The following PARVA variants were observed in gnomAD, a reference collection of about 807,000 sequenced individuals.
The protein encoded by PARVA is alpha-parvin.
A neutral mutation model predicts 52.6 loss-of-function variants in PARVA; 25 were observed. The ratio of observed to expected loss-of-function variants is 0.48; its 90% CI spans 0.35 to 0.66. The LOEUF is 0.66. PARVA is among the 30% of genes least tolerant of loss of function. The pLI, the probability that PARVA is intolerant of heterozygous loss-of-function variation, is 0.01. For synonymous variants in PARVA, 185 were observed against 179.1 expected (o/e 1.03, Z -0.26); for missense variants, 373 against 450.9 (o/e 0.83, Z 1.56).
chr11:12,494,417 A>G (rs1941271607), intron 4 of PARVA, among the ~76,000 whole-genome samples: 1 of 152,150 alleles, frequency 6.6e-6, no homozygotes, highest in Admixed American at 6.5e-5. Context: ...GCTTTCTAAA[A>G]GTTGCCTCAT....
intron 4 of PARVA, among the ~76,000 whole-genome samples, chr11:12,495,550 A>G (rs899254549): frequency 6.6e-6 from 1 of 152,130 alleles, no homozygotes; most frequent in Non-Finnish European, 1.5e-5. Context: ...AAGGAGTCCA[A>G]AGTTGTTTTT....
At chr11:12,473,342 T>C (rs1304721444) in intron 1 of PARVA, among the ~76,000 whole-genome samples, 1 of 152,160 alleles carries the variant, frequency 6.6e-6, no homozygotes, top group Non-Finnish European at 1.5e-5. Context: ...CTCAAACCCA[T>C]GACCCCATTC....
intron 1 of PARVA, among the ~76,000 whole-genome samples, chr11:12,450,593 G>A (rs1044351065): frequency 1.3e-5 from 2 of 152,190 alleles, no homozygotes; most frequent in Admixed American, 1.3e-4. Context: ...AGTTTATTAA[G>A]GAGAATTGAC....
chr11:12,403,650 C>G (rs1033045626), intron 1 of PARVA, among the ~76,000 whole-genome samples: 1 of 152,224 alleles, frequency 6.6e-6, no homozygotes, highest in Non-Finnish European at 1.5e-5. Flanking sequence ...ATTTTCTGCA[C>G]TAGGCAATGT....
At chr11:12,457,635 A>T (rs1940716329) in intron 1 of PARVA, among the ~76,000 whole-genome samples, 1 of 152,150 alleles carries the variant, frequency 6.6e-6, no homozygotes, top group Non-Finnish European at 1.5e-5. Flanking sequence ...TTTGGGCTGG[A>T]AGGGGAAGAC....
At chr11:12,419,882 G>A (rs994142624) in intron 1 of PARVA, among the ~76,000 whole-genome samples, 8 of 152,170 alleles carry the variant, frequency 5.3e-5, no homozygotes, top group African/African-American at 1.9e-4. Flanking sequence ...GTTGCTGAAG[G>A]TGTGGTGGCA....
At chr11:12,418,006 G>T (rs771257789) in intron 1 of PARVA, among the ~76,000 whole-genome samples, 1 of 152,192 alleles carries the variant, frequency 6.6e-6, no homozygotes, top group Non-Finnish European at 1.5e-5. Context: ...GGCTTGGAGT[G>T]GGGTGGGGAA....
At chr11:12,469,903 C>T (rs1363283651) in intron 1 of PARVA, among the ~76,000 whole-genome samples, 3 of 152,182 alleles carry the variant, frequency 2.0e-5, no homozygotes, top group African/African-American at 7.2e-5. Flanking sequence ...CCTGTTCAGA[C>T]CCACCTTTAG....
chr11:12,429,727 C>T (rs1474977044), intron 1 of PARVA, among the ~76,000 whole-genome samples: 1 of 152,136 alleles, frequency 6.6e-6, no homozygotes, highest in African/African-American at 2.4e-5. Context: ...CCCATTTATG[C>T]CGGTGGTTGC....
chr11:12,518,309 G>T (rs1301275614), intron 11 of PARVA, 136 bp from the exon 12 acceptor site: 1 of 668,768 alleles, frequency 1.5e-6, no homozygotes, highest in Non-Finnish European at 2.7e-6. Flanking sequence ...GCCCATTTTG[G>T]TAGCCATATT....
chr11:12,527,803 C>T, intron 12 of PARVA, 46 bp from the exon 13 acceptor site: 1 of 1,435,926 alleles, frequency 7.0e-7, no homozygotes, highest in Non-Finnish European at 9.8e-7. Flanking sequence ...AGCTTTGGAA[C>T]ATGTGGCCCC....
chr11:12,413,533 A>G (rs537957565), intron 1 of PARVA, among the ~76,000 whole-genome samples: 1 of 152,350 alleles, frequency 6.6e-6, no homozygotes, highest in South Asian at 2.1e-4. Flanking sequence ...GTTTGTATTC[A>G]AAAGATTCTT....
At position 12,524,744 on chromosome 11, in the gene PARVA, C is replaced by T. The variant is rs572732493; in HGVS notation, c.1043-3105C>T. Among the ~76,000 whole-genome samples, 273 of 152,094 alleles carry T rather than the reference C, an allele frequency of 1.8e-3. 1 individual carries two copies. Among genetic ancestry groups the T allele is most frequent in the African/African-American group, 6.3e-3 (260 of 41,552 alleles). The stretch of plus-strand genomic sequence containing the variant: ...GAATTTTTTTCCTTGGCTTCCAAGA[C>T]GGTGGGCAACCATTCATTCATGGAT... On this transcript the variant is annotated intron_variant, in intron 12 of 12. Transcript: ENST00000334956.
At chr11:12,511,979 A>G (rs1941508523) in intron 8 of PARVA, among the ~76,000 whole-genome samples, 1 of 152,226 alleles carries the variant, frequency 6.6e-6, no homozygotes, top group African/African-American at 2.4e-5. Context: ...AATCAAAAAG[A>G]ACCAAAAGTG....
intron 1 of PARVA, among the ~76,000 whole-genome samples, chr11:12,394,237 A>G (rs1939703369): frequency 6.6e-6 from 1 of 152,188 alleles, no homozygotes; most frequent in Non-Finnish European, 1.5e-5. Context: ...CTACTGTGCT[A>G]GGAAGGGATT....
At chr11:12,516,477 AC>A in intron 10 of PARVA, among the ~76,000 whole-genome samples, 1 of 151,124 alleles carries the variant, frequency 6.6e-6, no homozygotes, top group African/African-American at 2.4e-5. Context: ...GTGTATGCTC[AC>A]TTCACCCAGC....
intron 1 of PARVA, among the ~76,000 whole-genome samples, chr11:12,406,338 C>T (rs1262018965): frequency 2.6e-5 from 4 of 152,206 alleles, no homozygotes; most frequent in African/African-American, 9.6e-5. Context: ...TGGAGGATAA[C>T]CTCATTTACT....
At chr11:12,475,259 A>T (rs1940995354) in intron 3 of PARVA, among the ~76,000 whole-genome samples, 1 of 152,286 alleles carries the variant, frequency 6.6e-6, no homozygotes, top group Non-Finnish European at 1.5e-5. Context: ...CATGCCCCTC[A>T]TCTGAAAGTC....
intron 1 of PARVA, among the ~76,000 whole-genome samples, chr11:12,439,302 A>G (rs1409726452): frequency 1.3e-5 from 2 of 152,212 alleles, no homozygotes; most frequent in African/African-American, 4.8e-5. Context: ...ACACTGCAGG[A>G]GAGATGAAAA....
Sources: gnomAD v4.1 joint callset for allele counts (sites outside exome capture counted in the v4.1 genomes callset) on GRCh38, gnomAD v4.1.1 for gene constraint, MANE v1.5 for transcripts, NCBI Gene and HGNC (gene_info 2026-07-23, HGNC 2026-07-21) for gene names.